The following THADA variants were observed in gnomAD, a reference collection of about 807,000 sequenced individuals.
THADA encodes the protein tRNA (32-2'-O)-methyltransferase regulator THADA.
THADA carries 213 observed loss-of-function variants against 219.8 expected under a neutral mutation model. That is an observed-to-expected ratio of 0.97 (90% CI 0.87 to 1.09). The LOEUF is 1.09. Ranked by LOEUF, THADA falls within the 50% of genes least tolerant of loss-of-function variation. THADA has a pLI of 0.00. For missense variants in THADA, 2,956 were observed against 2,311.3 expected, an observed-to-expected ratio of 1.28 and a Z score of -5.72; for synonymous variants, 1,018 against 828.9, an observed-to-expected ratio of 1.23 and a Z score of -3.92.
At chr2:43,527,717 A>T (rs997180773) in intron 22 of THADA, among the ~76,000 whole-genome samples, 162 bp downstream of exon 22, 2 of 152,236 alleles carry the variant, frequency 1.3e-5, no homozygotes, top group African/African-American at 2.4e-5. Context: ...ATCTGCAGTA[A>T]ATCATACAAT....
intron 26 of THADA, among the ~76,000 whole-genome samples, chr2:43,449,576 C>T (rs1304140935): frequency 6.6e-6 from 1 of 151,990 alleles, no homozygotes; most frequent in Non-Finnish European, 1.5e-5. Context: ...AAGAGAAGCC[C>T]GGGCAACATG....
At chr2:43,480,434 A>T (rs1272705644) in intron 26 of THADA, among the ~76,000 whole-genome samples, 1 of 152,110 alleles carries the variant, frequency 6.6e-6, no homozygotes, top group East Asian at 1.9e-4. Flanking sequence ...TTATCTTTGG[A>T]TCCCAGTAAC....
chr2:43,346,779 A>G (rs1194947721), intron 29 of THADA, among the ~76,000 whole-genome samples: 1 of 152,260 alleles, frequency 6.6e-6, no homozygotes, highest in Non-Finnish European at 1.5e-5. Flanking sequence ...TCATGGAGAC[A>G]TGAAAAATCA....
chr2:43,310,299 T>G (rs1375515052), intron 31 of THADA, among the ~76,000 whole-genome samples: 1 of 141,860 alleles, frequency 7.0e-6, no homozygotes, highest in Non-Finnish European at 1.5e-5. Context: ...AAAGCAATGT[T>G]GAAAAATGAA....
chr2:43,576,883 G>T (rs902317267), intron 10 of THADA, 139 bp downstream of exon 10: 1 of 731,188 alleles, frequency 1.4e-6, no homozygotes, highest in South Asian at 1.8e-5. Flanking sequence ...TTGAACTCCT[G>T]GCCTCAAGTG....
chr2:43,341,675 G>C (rs777180126), intron 30 of THADA, among the ~76,000 whole-genome samples: 2 of 152,184 alleles, frequency 1.3e-5, no homozygotes, highest in Non-Finnish European at 2.9e-5. Context: ...AAGAACTAGA[G>C]TGTTAGGATA....
At chr2:43,464,444 G>C (rs557648835) in intron 26 of THADA, among the ~76,000 whole-genome samples, 1 of 152,174 alleles carries the variant, frequency 6.6e-6, no homozygotes, top group Non-Finnish European at 1.5e-5. Context: ...AAATGCTTAT[G>C]AAGTGGACTG....
rs143692829 is a variant in THADA at position 43,581,287 on chromosome 2, T to C, written c.721+454A>G. On this transcript the variant is annotated intron_variant, in intron 8 of 37. Transcript: ENST00000405975. Reference sequence around the variant, plus strand: ...GCTCACACCTGTAATCCCAGCACCTTGGGAGGCCACGGTAAGCAGGTTACT... The same window carrying C: ...GCTCACACCTGTAATCCCAGCACCTCGGGAGGCCACGGTAAGCAGGTTACT... Among the ~76,000 whole-genome samples, 229 of 152,210 alleles carry C rather than the reference T, an allele frequency of 1.5e-3. 4 individuals carry two copies. The East Asian group carries it at 0.023, about 16-fold the overall frequency.
chr2:43,578,512 C>G lies in THADA; in HGVS notation c.816+1G>C. ...CAATTCTAAAAAGGAGATGCACTTA[C>G]CAAATGAGGAATCTTTTCAGACGGG... On this transcript the variant is annotated splice_donor_variant, in intron 9 of 37. Transcript: ENST00000405975. LOFTEE classifies it high-confidence loss of function. The G allele has an allele frequency of 6.2e-7, 1 of 1,603,814 alleles. No homozygotes were observed. Among genetic ancestry groups the G allele is most frequent in the African/African-American group, 1.3e-5 (1 of 74,664 alleles).
intron 21 of THADA, among the ~76,000 whole-genome samples, chr2:43,529,526 T>C (rs368476521): frequency 1.3e-5 from 2 of 152,226 alleles, no homozygotes; most frequent in African/African-American, 2.4e-5. Context: ...TTATTTATTT[T>C]AAAGAAAACA....
At chr2:43,493,712 C>G (rs1687935887) in intron 25 of THADA, among the ~76,000 whole-genome samples, 2 of 152,118 alleles carry the variant, frequency 1.3e-5, no homozygotes, top group Non-Finnish European at 2.9e-5. Context: ...TTCTCGGGTT[C>G]CACAAATTAC....
chr2:43,300,033 CAAA>C (rs538753350), intron 31 of THADA, among the ~76,000 whole-genome samples: 42 of 83,594 alleles, frequency 5.0e-4, no homozygotes, highest in Non-Finnish European at 5.2e-4. Context: ...TGTCTCAAGG[CAAA>C]AAAAAAAAAA....
At chr2:43,340,857 G>C (rs1466317881) in intron 30 of THADA, among the ~76,000 whole-genome samples, 4 of 152,124 alleles carry the variant, frequency 2.6e-5, no homozygotes, top group Admixed American at 2.0e-4. Flanking sequence ...AGGACGAGAG[G>C]GGGTGTGTCT....
intron 22 of THADA, among the ~76,000 whole-genome samples, chr2:43,522,699 C>G (rs1015945519): frequency 1.3e-5 from 2 of 152,124 alleles, no homozygotes. Flanking sequence ...TAATATCTGA[C>G]TCAACTATTA....
chr2:43,350,681 C>T (rs1040679046), intron 29 of THADA, among the ~76,000 whole-genome samples: 11 of 152,236 alleles, frequency 7.2e-5, no homozygotes, highest in African/African-American at 2.7e-4. Context: ...ATTCCTCAAC[C>T]TGGTCATTCC....
intron 29 of THADA, among the ~76,000 whole-genome samples, chr2:43,393,473 G>A (rs541166799): frequency 6.6e-6 from 1 of 152,214 alleles, no homozygotes; most frequent in African/African-American, 2.4e-5. Flanking sequence ...TTGGGAGGCC[G>A]AGGTTGGGGG....
chr2:43,543,332 C>A (rs895846391), intron 20 of THADA, among the ~76,000 whole-genome samples: 1 of 147,696 alleles, frequency 6.8e-6, no homozygotes, highest in African/African-American at 2.5e-5. Context: ...CCGCAATAAA[C>A]ATACATGTGC....
intron 22 of THADA, among the ~76,000 whole-genome samples, chr2:43,517,746 T>G (rs1469238252): frequency 6.6e-6 from 1 of 152,196 alleles, no homozygotes; most frequent in Non-Finnish European, 1.5e-5. Context: ...TATTAATGTG[T>G]GTACCATTTC....
Position 43,240,026 on chromosome 2 carries a change from G to A in THADA, c.5297-7144C>T, listed in dbSNP as rs1189517058. On this transcript the variant is annotated intron_variant, in intron 36 of 37. Transcript: ENST00000405975. ...CAAGCTGACCCACACGAAGTGTGAC[G>A]AAACAGTCGAAGACGGTGTGTGACA... is the stretch of plus-strand genomic sequence containing the variant. 3.9e-5 allele frequency among the ~76,000 whole-genome samples: 6 copies of A among 152,262 alleles called. No individual in the cohort carries two copies. In the East Asian group the frequency reaches 7.7e-4, roughly 20 times the overall value.
Sources: allele counts gnomAD v4.1 joint callset (sites outside exome capture counted in the v4.1 genomes callset), GRCh38; gene constraint gnomAD v4.1.1; transcripts MANE v1.5; gene names NCBI Gene and HGNC (gene_info 2026-07-23, HGNC 2026-07-21).